Variants in WDR74 observed in about 807,000 individuals in gnomAD.
WDR74 encodes the protein WD repeat-containing protein 74.
Under a neutral mutation model 45.6 loss-of-function variants are expected in WDR74, and 31 were observed. The ratio of observed to expected loss-of-function variants is 0.68; its 90% CI spans 0.51 to 0.92. The LOEUF is 0.92. Ranked by LOEUF, WDR74 falls within the 40% of genes least tolerant of loss-of-function variation. WDR74 has a pLI of 0.00. For missense variants in WDR74, 455 were observed against 497.2 expected (o/e 0.92, Z 0.81); for synonymous variants, 191 against 192.4 (o/e 0.99, Z 0.06).
intron 7 of WDR74, 23 bp from the exon 8 acceptor site, chr11:62,834,354 G>A (rs1262265158): frequency 6.2e-7 from 1 of 1,613,694 alleles, no homozygotes; most frequent in Non-Finnish European, 8.5e-7. Flanking sequence ...CCAGAGGCAA[G>A]TGGGATCAGC....
At chr11:62,833,269 G>A in intron 10 of WDR74, 138 bp from the exon 11 acceptor site, 2 of 466,848 alleles carry the variant, frequency 4.3e-6, no homozygotes, top group Non-Finnish European at 7.2e-6. Context: ...GCAACATAAG[G>A]AGACCCCATC....
Position 62,832,971 on chromosome 11 carries a change from G to C in WDR74, c.1139C>G (p.Pro380Arg). Residue 380 changes from proline to arginine, a missense_variant, in exon 11 of 11, where the codon CCT (proline) becomes CGT (arginine). Pro to Arg is a moderately radical substitution (Grantham distance 103). Transcript: ENST00000278856. ...LQTRRRKKKR[P>R]GSTSP ...GGGGCGTCAGGGGCTGGTGGACCCA[G>C]GCCGCTTCTTCTTTCTCCGTCTCGT... 2 of 1,607,118 alleles carry C rather than the reference G, an allele frequency of 1.2e-6. No individual in the cohort carries two copies. The highest frequency in any genetic ancestry group is 1.7e-6 in the Non-Finnish European group (2 of 1,177,102).
At position 62,839,333 on chromosome 11, in the gene WDR74, C is replaced by T. The variant is rs2085009477; in HGVS notation, c.160G>A (p.Gly54Ser). The change falls in exon 2 of 11, where the codon GGC becomes AGC. Residue 54 changes from glycine to serine, a missense_variant. Transcript: ENST00000278856. ...AVSALCWGTG[G>S]ETQMLVGCAD... ...CAGGGGCCACTCACCTGGGTCTCGC[C>T]GCCGGTGCCCCAACACAGGGCGCTC... 6.2e-7 allele frequency: 1 copy of T among 1,610,860 alleles called. No homozygotes were observed. The highest frequency in any genetic ancestry group is 1.3e-5 in the African/African-American group (1 of 75,064).
intron 3 of WDR74, among the ~76,000 whole-genome samples, chr11:62,838,270 G>A (rs1178298451): frequency 1.3e-5 from 2 of 151,830 alleles, no homozygotes; most frequent in Admixed American, 6.6e-5. Flanking sequence ...CTCCAGCCTC[G>A]GCCTCCCAAG....
chr11:62,835,644 C>T, intron 5 of WDR74, 51 bp downstream of exon 5: 4 of 1,613,924 alleles, frequency 2.5e-6, no homozygotes, highest in Non-Finnish European at 3.4e-6. Context: ...CGTCAGTGGC[C>T]TCAGCCTCCC....
chr11:62,833,762 C>G, intron 9 of WDR74, 30 bp downstream of exon 9: 1 of 1,610,512 alleles, frequency 6.2e-7, no homozygotes, highest in South Asian at 1.1e-5. Flanking sequence ...TCCACAAGAC[C>G]ATGAGTTGGA....
rs755846208 is a variant in WDR74, at chr11:62,834,443, G to C, written c.703C>G (p.Leu235Val). The C allele has an allele frequency of 9.3e-6, 15 of 1,611,092 alleles. No homozygotes were observed. The Admixed American group carries it at 2.3e-4, about 25-fold the overall frequency. The change falls in exon 7 of 11, where the codon CTC (leucine) becomes GTC (valine). Residue 235 changes from leucine (L) to valine (V), a missense_variant. By Grantham distance (32) the Leu-to-Val change is conservative. Transcript: ENST00000278856. ...AACACTCACTTGCCTCCCGGAGTGA[G>C]GGTCATGGCTGTTAGTGGGTACTCT... ...YGEYPLTAMT[L>V]TPGGNSVIVG...
Position 62,833,296 on chromosome 11 carries a change from TAAAAAA to T in WDR74, c.979-171_979-166del, listed in dbSNP as rs1048706100. 1.4e-3 allele frequency among the ~76,000 whole-genome samples: 71 copies of T among 50,884 alleles called. 1 individual carries two copies. In the Admixed American group the frequency reaches 0.015, roughly 11 times the overall value. The allele number at this position is 50,884 out of a possible 152,430, so 33.4% of individuals were successfully genotyped here. On this transcript the variant is annotated intron_variant, in intron 10 of 10. Transcript: ENST00000278856. Reference sequence around the variant, plus strand: ...GACCCCATCTCCACAAAAAGAAGTTTAAAAAAAAAAAAAAAAAAAAAAAAAAAGAAA... The same window carrying T: ...GACCCCATCTCCACAAAAAGAAGTTTAAAAAAAAAAAAAAAAAAAAAGAAA...
intron 3 of WDR74, among the ~76,000 whole-genome samples, chr11:62,838,393 G>A (rs556746969): frequency 5.1e-4 from 78 of 151,942 alleles, no homozygotes; most frequent in African/African-American, 1.8e-3. Flanking sequence ...GACCTCAAGT[G>A]ATCCACCTAT....
At chr11:62,839,069 A>G (rs752597115) in intron 3 of WDR74, 45 bp downstream of exon 3, 3 of 1,609,024 alleles carry the variant, frequency 1.9e-6, no homozygotes, top group Admixed American at 1.7e-5. Flanking sequence ...GGGAGCATCA[A>G]CGCTCTCCCT....
upstream of WDR74, among the ~76,000 whole-genome samples, chr11:62,840,904 G>A (rs958931393): frequency 6.6e-6 from 1 of 152,218 alleles, no homozygotes; most frequent in Non-Finnish European, 1.5e-5. Flanking sequence ...GCGAAACCAG[G>A]CCGGGCGCGG....
intron 4 of WDR74, 27 bp from the exon 5 acceptor site, chr11:62,835,868 G>A: frequency 2.5e-6 from 4 of 1,599,428 alleles, no homozygotes; most frequent in African/African-American, 1.3e-5. Context: ...ATAAGAGTCC[G>A]TTCCAGAGTC....
Position 62,833,851 on chromosome 11 carries a change from C to T in WDR74, c.862G>A (p.Gly288Ser). The T allele has an allele frequency of 6.2e-7, 1 of 1,613,972 alleles. No homozygotes were observed. The highest frequency in any genetic ancestry group is 8.5e-7 in the Non-Finnish European group (1 of 1,179,880). Residue 288 changes from glycine to serine, a missense_variant, in exon 9 of 11, where the codon GGC (glycine) becomes AGC (serine). Coordinates refer to ENST00000278856, the MANE Select transcript of WDR74 (RefSeq NM_001369450.1). ...TGTATCCTCAAGACTCTGTCCAAGC[C>T]ACAGGAGGCTAGTAGAGGCTTTGAA... Reference protein sequence around the residue: ...HPSKPLLASCGLDRVLRIHRI... With the variant: ...HPSKPLLASCSLDRVLRIHRI...
rs1249169977 is a variant in WDR74 at position 62,834,833 on chromosome 11, A to G, written c.619-306T>C. On this transcript the variant is annotated intron_variant, in intron 6 of 10. Coordinates refer to ENST00000278856, the MANE Select transcript of WDR74 (RefSeq NM_001369450.1). ...AAAGCAAGTTGGTCTAGTAGTCAGT[A>G]GGTGCTAAATTTCAAGCAGGGGTTA... 1.3e-5 allele frequency: 5 copies of G among 390,186 alleles called. No individual in the cohort carries two copies. In the Admixed American group the frequency reaches 2.1e-4, roughly 16 times the overall value. The allele number at this position is 390,186 out of a possible 1,614,324, so 24.2% of individuals were successfully genotyped here. A position where few individuals can be genotyped will look rare whatever the true frequency, so the allele number is the denominator to read the frequency against.
chr11:62,839,152 G>C lies in WDR74; in HGVS notation c.255C>G (p.Gly85=), dbSNP rs567273843. ...GIFQGQRHCP[G]GEGMFRGLAQ... Reference sequence around the variant, plus strand: ...CGAGGCCACGGAACATGCCCTCCCCGCCCGGGCAGTGTCTCTGACCCTGGA... The same window carrying C: ...CGAGGCCACGGAACATGCCCTCCCCCCCCGGGCAGTGTCTCTGACCCTGGA... The change falls in exon 3 of 11, where the codon GGC becomes GGG. Residue 85 remains glycine, a synonymous_variant. Transcript: ENST00000278856. 2 of 1,613,600 alleles carry C rather than the reference G, an allele frequency of 1.2e-6. No individual in the cohort carries two copies. The highest frequency in any genetic ancestry group is 2.7e-5 in the African/African-American group (2 of 75,056).
In WDR74 at chr11:62,839,168, T is replaced by C; in HGVS notation, c.239A>G (p.Gln80Arg). The C allele has an allele frequency of 6.2e-7, 1 of 1,613,772 alleles. No individual in the cohort carries two copies. The highest frequency in any genetic ancestry group is 8.5e-7 in the Non-Finnish European group (1 of 1,179,886). Residue 80 changes from glutamine (Q) to arginine (R), a missense_variant, in exon 3 of 11, where the codon CAG (glutamine) becomes CGG (arginine). Gln to Arg is a conservative substitution (Grantham distance 43). Transcript: ENST00000278856. ...GCCCTCCCCGCCCGGGCAGTGTCTCTGACCCTGGAATATGCCATCCTCGGT... is the reference window on the plus strand; with the variant it reads ...GCCCTCCCCGCCCGGGCAGTGTCTCCGACCCTGGAATATGCCATCCTCGGT... The part of the protein sequence containing the change: ...FSTEDGIFQG[Q>R]RHCPGGEGMF...
chr11:62,834,390 G>GGGC, intron 7 of WDR74, 37 bp downstream of exon 7: 1 of 1,584,218 alleles, frequency 6.3e-7, no homozygotes, highest in Non-Finnish European at 8.6e-7. Flanking sequence ...CCCTTCTCAA[G>GGGC]CCCCACCCTC....
rs758596641 is a variant in WDR74, at chr11:62,839,401, G to C, written c.92C>G (p.Ala31Gly). The C allele has an allele frequency of 1.2e-6, 2 of 1,613,056 alleles. No homozygotes were observed. Among genetic ancestry groups the C allele is most frequent in the East Asian group, 4.5e-5 (2 of 44,878 alleles). The change falls in exon 2 of 11, where the codon GCG (alanine) becomes GGG (glycine). Residue 31 changes from alanine (A) to glycine (G), a missense_variant. Coordinates refer to ENST00000278856, the MANE Select transcript of WDR74 (RefSeq NM_001369450.1). ...KGVNLQRKQA[A>G]NFTAGGQPRR... is the part of the protein sequence containing the mutation. ...CGGCTGTCCTCCGGCCGTGAAGTTC[G>C]CCGCCTGTTTTCGCTGAAGATTTAC...
chr11:62,833,755 A>G, intron 9 of WDR74, 37 bp downstream of exon 9: 2 of 1,609,168 alleles, frequency 1.2e-6, no homozygotes, highest in Non-Finnish European at 1.7e-6. Flanking sequence ...CGGGGCCTCC[A>G]CAAGACCATG....
Sources: gnomAD v4.1 joint callset for allele counts (sites outside exome capture counted in the v4.1 genomes callset) on GRCh38, gnomAD v4.1.1 for gene constraint, MANE v1.5 for transcripts, NCBI Gene and HGNC (gene_info 2026-07-23, HGNC 2026-07-21) for gene names.